Variants in SCHIP1 observed in about 807,000 individuals in gnomAD.
SCHIP1 encodes schwannomin-interacting protein 1.
In SCHIP1, 8 loss-of-function variants were observed where a neutral mutation model predicts 29.7. That is an observed-to-expected ratio of 0.27 (90% CI 0.16 to 0.49). The LOEUF is 0.49. SCHIP1 is among the 20% of genes least tolerant of loss of function. The pLI is 0.99. For synonymous variants in SCHIP1, 76 were observed against 94.9 expected (o/e 0.80, Z 1.16); for missense variants, 193 against 294.6 (o/e 0.66, Z 2.52).
chr3:159,289,698 A>G, the SCHIP1 span, among the ~76,000 whole-genome samples: 2 of 152,248 alleles, frequency 1.3e-5, no homozygotes, highest in African/African-American at 4.8e-5. Flanking sequence ...GACCATACCT[A>G]GTTTCTGTCA....
At chr3:159,380,112 T>G in the SCHIP1 span, among the ~76,000 whole-genome samples, 1 of 152,228 alleles carries the variant, frequency 6.6e-6, no homozygotes, top group Admixed American at 6.5e-5. Flanking sequence ...TTTGTAATGC[T>G]GAGTAAAGTT....
the SCHIP1 span, among the ~76,000 whole-genome samples, chr3:159,625,910 G>A: frequency 6.6e-6 from 1 of 151,916 alleles, no homozygotes; most frequent in African/African-American, 2.4e-5. Context: ...AACCCAGCTA[G>A]CAAATACAGG....
chr3:159,534,538 T>C, the SCHIP1 span, among the ~76,000 whole-genome samples: 1 of 152,150 alleles, frequency 6.6e-6, no homozygotes, highest in Non-Finnish European at 1.5e-5. Flanking sequence ...CAGTATGTGC[T>C]TCTCAAGTTG....
the SCHIP1 span, among the ~76,000 whole-genome samples, chr3:159,393,427 T>A: frequency 6.6e-6 from 1 of 151,968 alleles, no homozygotes; most frequent in Non-Finnish European, 1.5e-5. Flanking sequence ...GGTTTTCTTC[T>A]AGGGTTTTTA....
the SCHIP1 span, among the ~76,000 whole-genome samples, chr3:159,296,880 CT>C: frequency 6.6e-6 from 1 of 152,132 alleles, no homozygotes; most frequent in African/African-American, 2.4e-5. Flanking sequence ...AATTTATTAT[CT>C]TATAAACTAA....
At chr3:159,403,222 T>C in the SCHIP1 span, among the ~76,000 whole-genome samples, 1 of 152,146 alleles carries the variant, frequency 6.6e-6, no homozygotes, top group Admixed American at 6.5e-5. Flanking sequence ...ACACCTACTG[T>C]AACAACAAGA....
At chr3:159,337,400 T>G in the SCHIP1 span, among the ~76,000 whole-genome samples, 1 of 151,876 alleles carries the variant, frequency 6.6e-6, no homozygotes, top group Non-Finnish European at 1.5e-5. Flanking sequence ...AAAGAGGAGG[T>G]CAAATTGTCC....
the SCHIP1 span, among the ~76,000 whole-genome samples, chr3:159,662,111 T>C: frequency 2.0e-5 from 3 of 152,232 alleles, no homozygotes; most frequent in Non-Finnish European, 2.9e-5. Context: ...ACCTGTTCCA[T>C]AACAGTCTTC....
At chr3:159,508,766 A>G in the SCHIP1 span, among the ~76,000 whole-genome samples, 1 of 152,156 alleles carries the variant, frequency 6.6e-6, no homozygotes, top group East Asian at 1.9e-4. Flanking sequence ...GTTTCCATGT[A>G]GTTGAGCGGT....
the SCHIP1 span, among the ~76,000 whole-genome samples, chr3:159,524,094 A>T: frequency 6.6e-6 from 1 of 152,128 alleles, no homozygotes; most frequent in Non-Finnish European, 1.5e-5. Flanking sequence ...TGCATACATG[A>T]TCACCCTCAT....
the SCHIP1 span, among the ~76,000 whole-genome samples, chr3:159,317,479 C>T: frequency 6.6e-6 from 1 of 152,158 alleles, no homozygotes; most frequent in East Asian, 1.9e-4. Context: ...CCCATTGATT[C>T]CCGGACCCGT....
chr3:159,872,031 A>G (rs1195563768), intron 2 of SCHIP1, among the ~76,000 whole-genome samples: 3 of 152,194 alleles, frequency 2.0e-5, no homozygotes, highest in Non-Finnish European at 4.4e-5. Context: ...CTGTGGGCAC[A>G]TGGTAGATTG....
the SCHIP1 span, among the ~76,000 whole-genome samples, chr3:159,332,193 G>A: frequency 1.3e-5 from 2 of 152,274 alleles, no homozygotes; most frequent in Admixed American, 1.3e-4. Context: ...CAAATTTTTA[G>A]CACCTAGCAC....
chr3:159,588,232 T>C, the SCHIP1 span, among the ~76,000 whole-genome samples: 1 of 152,240 alleles, frequency 6.6e-6, no homozygotes, highest in Non-Finnish European at 1.5e-5. Flanking sequence ...ATGATGAGCA[T>C]TTTTTCATGT....
chr3:159,834,669 A>T, the SCHIP1 span, among the ~76,000 whole-genome samples: 4 of 152,162 alleles, frequency 2.6e-5, no homozygotes, highest in African/African-American at 9.6e-5. Flanking sequence ...AAAGTCCCAA[A>T]TTTTTTGAGT....
chr3:159,638,324 CA>C, the SCHIP1 span, among the ~76,000 whole-genome samples: 2 of 152,186 alleles, frequency 1.3e-5, no homozygotes, highest in East Asian at 3.9e-4. Flanking sequence ...CAACACCAGT[CA>C]ATGAAACCAC....
the SCHIP1 span, among the ~76,000 whole-genome samples, chr3:159,797,698 A>C: frequency 6.6e-6 from 1 of 151,908 alleles, no homozygotes; most frequent in Non-Finnish European, 1.5e-5. Flanking sequence ...TCAGCCTCCC[A>C]AGTAGCTGGG....
At chr3:159,703,242 C>A in the SCHIP1 span, among the ~76,000 whole-genome samples, 2 of 152,172 alleles carry the variant, frequency 1.3e-5, no homozygotes, top group Non-Finnish European at 2.9e-5. Context: ...TCCCAGCGCA[C>A]TTATAGATTG....
At chr3:159,358,099 C>T in the SCHIP1 span, among the ~76,000 whole-genome samples, 1 of 152,188 alleles carries the variant, frequency 6.6e-6, no homozygotes, top group Non-Finnish European at 1.5e-5. Flanking sequence ...TTAGAAGGCA[C>T]TTGGTTTAGT....
Sources: allele counts gnomAD v4.1 joint callset (sites outside exome capture counted in the v4.1 genomes callset), GRCh38; gene constraint gnomAD v4.1.1; transcripts MANE v1.5; gene names NCBI Gene and HGNC (gene_info 2026-07-23, HGNC 2026-07-21).